The following TBC1D22A variants were observed in gnomAD, a reference collection of about 807,000 sequenced individuals.
The protein encoded by TBC1D22A is TBC1 domain family member 22A.
TBC1D22A carries 38 observed loss-of-function variants against 60.2 expected under a neutral mutation model. The ratio of observed to expected loss-of-function variants is 0.63; its 90% CI spans 0.49 to 0.83. The LOEUF is 0.83. Ranked by LOEUF, TBC1D22A falls within the 40% of genes least tolerant of loss-of-function variation. TBC1D22A has a pLI of 0.00. For synonymous variants in TBC1D22A, 302 were observed against 281.7 expected (o/e 1.07, Z -0.72); for missense variants, 628 against 701.0 (o/e 0.90, Z 1.18).
intron 5 of TBC1D22A, among the ~76,000 whole-genome samples, chr22:46,881,820 A>C (rs539125978): frequency 2.6e-5 from 4 of 152,200 alleles, no homozygotes; most frequent in Non-Finnish European, 1.5e-5. Flanking sequence ...GCCATGCTCC[A>C]TGCCCTGTGT....
chr22:46,929,509 A>T (rs931470497), intron 8 of TBC1D22A, among the ~76,000 whole-genome samples: 1 of 152,196 alleles, frequency 6.6e-6, no homozygotes, highest in Non-Finnish European at 1.5e-5. Flanking sequence ...GATGTACTTC[A>T]TTCATGGATA....
intron 1 of TBC1D22A, among the ~76,000 whole-genome samples, chr22:46,789,934 G>A (rs1820191627): frequency 6.6e-6 from 1 of 152,326 alleles, no homozygotes; most frequent in African/African-American, 2.4e-5. Context: ...GCCTTTCCAA[G>A]TGTCGTCCCC....
At chr22:47,173,453 C>G in intron 12 of TBC1D22A, 45 bp from the exon 13 acceptor site, 1 of 1,606,140 alleles carries the variant, frequency 6.2e-7, no homozygotes, top group Non-Finnish European at 8.5e-7. Flanking sequence ...CCGCCCTCCA[C>G]CGTGGGTCAC....
intron 8 of TBC1D22A, among the ~76,000 whole-genome samples, chr22:46,927,895 C>G (rs4600767): frequency 0.68 from 103,076 of 152,046 alleles, 35,103 homozygotes; most frequent in South Asian, 0.79. Flanking sequence ...ACTCTGAAAA[C>G]TACAAAATAT....
At chr22:46,853,830 C>T (rs1462184533) in intron 4 of TBC1D22A, among the ~76,000 whole-genome samples, 2 of 152,120 alleles carry the variant, frequency 1.3e-5, no homozygotes, top group Non-Finnish European at 2.9e-5. Context: ...CGTGGCTGGT[C>T]GGAGTGATGG....
At chr22:46,972,362 T>G (rs1019819972) in intron 8 of TBC1D22A, among the ~76,000 whole-genome samples, 1 of 152,222 alleles carries the variant, frequency 6.6e-6, no homozygotes, top group African/African-American at 2.4e-5. Flanking sequence ...ACCGGCTCTC[T>G]GTGTCCACAT....
At chr22:46,815,223 C>T (rs115980904) in intron 4 of TBC1D22A, among the ~76,000 whole-genome samples, 1,993 of 152,278 alleles carry the variant, frequency 0.013, 48 homozygotes, top group African/African-American at 0.046. Flanking sequence ...ATTTCCATGG[C>T]GTGAGCCCTG....
At chr22:46,961,414 C>T (rs904349646) in intron 8 of TBC1D22A, among the ~76,000 whole-genome samples, 16 of 152,188 alleles carry the variant, frequency 1.1e-4, no homozygotes, top group African/African-American at 3.1e-4. Flanking sequence ...AGTGCATTTC[C>T]GTGTAATTTT....
At position 46,872,200 on chromosome 22, in the gene TBC1D22A, C is replaced by T. The variant is rs974862019; in HGVS notation, c.638-6453C>T. On this transcript the variant is annotated intron_variant, in intron 4 of 12. Coordinates refer to ENST00000337137, the MANE Select transcript of TBC1D22A (RefSeq NM_014346.5). ...AAACATCAGGACCAGATGGCTTTGT[C>T]GGTGAACTGTATCAAACATTTAAAG... Among the ~76,000 whole-genome samples, 15 of 152,030 alleles carry T rather than the reference C, an allele frequency of 9.9e-5. No homozygotes were observed. In the South Asian group the frequency reaches 1.0e-3, roughly 11 times the overall value.
chr22:46,848,584 G>A (rs1313852745), intron 4 of TBC1D22A, among the ~76,000 whole-genome samples: 2 of 152,226 alleles, frequency 1.3e-5, no homozygotes, highest in East Asian at 3.8e-4. Flanking sequence ...CAGGAATCCA[G>A]GTAGGCTCTC....
chr22:46,990,809 C>T lies in TBC1D22A; in HGVS notation c.1126-6825C>T, dbSNP rs895702280. ...GTTGGCTTGCTGGCTGTCTCCCTCC[C>T]GCGCCGGCGTTCGTGACGGCTCTGC... On this transcript the variant is annotated intron_variant, in intron 9 of 12. Coordinates refer to ENST00000337137, the MANE Select transcript of TBC1D22A (RefSeq NM_014346.5). The surrounding 1 kb of genome is among the most constrained non-coding windows in gnomAD (Gnocchi z 4.6). 3.3e-5 allele frequency among the ~76,000 whole-genome samples: 5 copies of T among 152,350 alleles called. No individual in the cohort carries two copies. The highest frequency in any genetic ancestry group is 2.1e-4 in the South Asian group (1 of 4,820).
chr22:47,115,277 TCTGCATTG>T (rs2065997176), intron 12 of TBC1D22A, among the ~76,000 whole-genome samples: 2 of 152,298 alleles, frequency 1.3e-5, no homozygotes, highest in African/African-American at 4.8e-5. Context: ...CCCCATGCCA[TCTGCATTG>T]CTAATCCGCA....
intron 7 of TBC1D22A, among the ~76,000 whole-genome samples, chr22:46,900,438 C>T (rs1569193439): frequency 1.3e-5 from 2 of 152,184 alleles, no homozygotes; most frequent in African/African-American, 2.4e-5. Context: ...GCGTGAGTAA[C>T]TGTGCCCGGC....
At chr22:46,781,266 C>T (rs1354168078) in intron 1 of TBC1D22A, among the ~76,000 whole-genome samples, 1 of 151,670 alleles carries the variant, frequency 6.6e-6, no homozygotes, top group Non-Finnish European at 1.5e-5. Flanking sequence ...GCCTTGACTT[C>T]CTGGGCTCAG....
At chr22:46,904,131 C>CT (rs1569199469) in intron 7 of TBC1D22A, among the ~76,000 whole-genome samples, 9 of 108,406 alleles carry the variant, frequency 8.3e-5, no homozygotes, top group Admixed American at 2.1e-4. Flanking sequence ...ATCTATCTAT[C>CT]TATCTATCTA....
At chr22:47,050,843 AT>A (rs1603176282) in intron 11 of TBC1D22A, among the ~76,000 whole-genome samples, 1 of 152,182 alleles carries the variant, frequency 6.6e-6, no homozygotes, top group African/African-American at 2.4e-5. Flanking sequence ...TCTGTCTGCC[AT>A]GCCCTGGACA....
At chr22:47,049,253 T>C (rs1013636352) in intron 11 of TBC1D22A, among the ~76,000 whole-genome samples, 2 of 152,218 alleles carry the variant, frequency 1.3e-5, no homozygotes, top group Admixed American at 1.3e-4. Flanking sequence ...GTATTGACAT[T>C]TTCCGATATT....
At chr22:46,845,403 G>T (rs780276108) in intron 4 of TBC1D22A, among the ~76,000 whole-genome samples, 4 of 152,312 alleles carry the variant, frequency 2.6e-5, no homozygotes, top group Non-Finnish European at 4.4e-5. Flanking sequence ...ACCTAACAGA[G>T]CTATTATTAT....
chr22:47,071,705 GGCT>G (rs2063997802), intron 11 of TBC1D22A, among the ~76,000 whole-genome samples: 2 of 152,190 alleles, frequency 1.3e-5, no homozygotes, highest in African/African-American at 2.4e-5. Context: ...AATGCTTTAT[GGCT>G]GTGGTTTGTT....
Sources: allele counts gnomAD v4.1 joint callset (sites outside exome capture counted in the v4.1 genomes callset), GRCh38; gene constraint gnomAD v4.1.1; non-coding constraint Gnocchi (gnomAD v3.1); transcripts MANE v1.5; gene names NCBI Gene and HGNC (gene_info 2026-07-23, HGNC 2026-07-21).